PTPRD: variants seen among roughly 807,000 people sequenced by gnomAD.
PTPRD encodes the protein receptor-type tyrosine-protein phosphatase delta.
PTPRD carries 34 observed loss-of-function variants against 214.5 expected under a neutral mutation model. The ratio of observed to expected loss-of-function variants is 0.16; its 90% CI spans 0.12 to 0.21. The LOEUF (loss-of-function observed/expected upper bound fraction) is 0.21, where lower values mean the gene tolerates loss of function less well. PTPRD is among the 10% of genes least tolerant of loss of function. The pLI, the probability that PTPRD is intolerant of heterozygous loss-of-function variation, is 1.00. For missense variants in PTPRD, 2,545 were observed against 2,398.7 expected (o/e 1.06, Z -1.27); for synonymous variants, 1,128 against 845.7 (o/e 1.33, Z -5.79).
chr9:9,290,653 T>G (rs923184263), intron 9 of PTPRD, among the ~76,000 whole-genome samples: 11 of 151,548 alleles, frequency 7.3e-5, no homozygotes, highest in African/African-American at 2.7e-4. Flanking sequence ...CCAAACTCGG[T>G]TAATGACTCT....
intron 5 of PTPRD, among the ~76,000 whole-genome samples, chr9:9,929,820 C>T (rs1034015664): frequency 7.7e-6 from 1 of 130,478 alleles, no homozygotes; most frequent in Non-Finnish European, 1.6e-5. Flanking sequence ...ATGTGGTCTA[C>T]TTGTACTACA....
At chr9:8,751,037 T>C (rs1255707676) in intron 11 of PTPRD, among the ~76,000 whole-genome samples, 1 of 152,164 alleles carries the variant, frequency 6.6e-6, no homozygotes, top group Non-Finnish European at 1.5e-5. Flanking sequence ...TGACCCTTTA[T>C]AAAAGGCTCA....
intron 9 of PTPRD, among the ~76,000 whole-genome samples, chr9:9,385,986 A>T (rs2140559021): frequency 6.6e-6 from 1 of 152,208 alleles, no homozygotes; most frequent in Middle Eastern, 3.4e-3. Context: ...CTTCTGGAAT[A>T]GCTGTGTTGG....
At chr9:9,931,030 T>C (rs1482067311) in intron 5 of PTPRD, among the ~76,000 whole-genome samples, 1 of 152,178 alleles carries the variant, frequency 6.6e-6, no homozygotes, top group African/African-American at 2.4e-5. Flanking sequence ...TTCTGTATTA[T>C]AACTTGATTT....
At chr9:8,607,022 A>C (rs1048103002) in intron 14 of PTPRD, among the ~76,000 whole-genome samples, 3 of 152,188 alleles carry the variant, frequency 2.0e-5, no homozygotes, top group African/African-American at 7.2e-5. Flanking sequence ...AATGCTGACT[A>C]CCTGGGGCTG....
At chr9:8,504,858 G>C (rs544161595) in intron 22 of PTPRD, among the ~76,000 whole-genome samples, 2 of 152,234 alleles carry the variant, frequency 1.3e-5, no homozygotes, top group South Asian at 4.1e-4. Flanking sequence ...ATCTCAATTG[G>C]AGGCAAAGAA....
At chr9:9,362,353 C>T (rs926945351) in intron 9 of PTPRD, among the ~76,000 whole-genome samples, 9 of 150,864 alleles carry the variant, frequency 6.0e-5, no homozygotes, top group Non-Finnish European at 1.2e-4. Flanking sequence ...AGGAAACATA[C>T]GTAAGGTTTT....
At chr9:10,252,750 T>C (rs1265988268) in intron 3 of PTPRD, among the ~76,000 whole-genome samples, 1 of 152,140 alleles carries the variant, frequency 6.6e-6, no homozygotes, top group Non-Finnish European at 1.5e-5. Context: ...ATTAGTTTGA[T>C]TTACAAATAC....
At chr9:9,475,357 C>T (rs187590812) in intron 8 of PTPRD, among the ~76,000 whole-genome samples, 45 of 152,310 alleles carry the variant, frequency 3.0e-4, no homozygotes, top group African/African-American at 9.1e-4. Flanking sequence ...TATAGCCTCA[C>T]TCTTTTTACA....
chr9:9,997,299 T>TG (rs1433638587), intron 4 of PTPRD, among the ~76,000 whole-genome samples: 1 of 151,808 alleles, frequency 6.6e-6, no homozygotes, highest in Non-Finnish European at 1.5e-5. Flanking sequence ...TTTTTTTTTT[T>TG]TTTGAGACAG....
intron 14 of PTPRD, among the ~76,000 whole-genome samples, chr9:8,627,957 G>A (rs763141401): frequency 6.6e-6 from 1 of 152,008 alleles, no homozygotes; most frequent in East Asian, 1.9e-4. Flanking sequence ...TATCGTGTTG[G>A]TATCAATGTA....
At chr9:10,345,960 T>C (rs185146681) in intron 2 of PTPRD, among the ~76,000 whole-genome samples, 1 of 152,204 alleles carries the variant, frequency 6.6e-6, no homozygotes, top group Non-Finnish European at 1.5e-5. Flanking sequence ...CCATTCTAAC[T>C]GATGTGAGAT....
chr9:9,029,471 T>C (rs1296939436), intron 10 of PTPRD, among the ~76,000 whole-genome samples: 1 of 144,582 alleles, frequency 6.9e-6, no homozygotes, highest in Non-Finnish European at 1.5e-5. Flanking sequence ...CAGTGTACAC[T>C]TTTTTTTGTG....
At position 10,321,663 on chromosome 9, in the gene PTPRD, T is replaced by C. The variant is rs527599598; in HGVS notation, c.-545+19300A>G. 5.9e-5 allele frequency among the ~76,000 whole-genome samples: 9 copies of C among 152,162 alleles called. No homozygotes were observed. In the East Asian group the frequency reaches 1.8e-3, roughly 30 times the overall value. ...AGTATTAAAACAAAATCAACTCTTT[T>C]ATTTGTTTATTAAAAATTTAAAAGA... On this transcript the variant is annotated intron_variant, in intron 3 of 45. Transcript: ENST00000381196.
At chr9:9,400,754 G>A (rs2070052471) in intron 8 of PTPRD, among the ~76,000 whole-genome samples, 1 of 152,066 alleles carries the variant, frequency 6.6e-6, no homozygotes, top group Non-Finnish European at 1.5e-5. Context: ...TGGTAAGAGT[G>A]AGGAAATGGA....
intron 35 of PTPRD, among the ~76,000 whole-genome samples, chr9:8,411,803 GTGA>G (rs1462181578): frequency 6.6e-6 from 1 of 152,146 alleles, no homozygotes; most frequent in Non-Finnish European, 1.5e-5. Context: ...AGATTTATAG[GTGA>G]TGTTCTTTTT....
In PTPRD at chr9:8,531,746, G is replaced by A. The variant is rs75525046; in HGVS notation, c.353-2967C>T. 7.0e-3 allele frequency among the ~76,000 whole-genome samples: 1,069 copies of A among 152,090 alleles called. 7 individuals carry two copies. The highest frequency in any genetic ancestry group is 0.011 in the Non-Finnish European group (720 of 67,956). Reference sequence around the variant, plus strand: ...CTTTTCTTCTACAAGTTCATCTCTCGGAAGAACTGAGCCAATATTCAGTGC... The same window carrying A: ...CTTTTCTTCTACAAGTTCATCTCTCAGAAGAACTGAGCCAATATTCAGTGC... On this transcript the variant is annotated intron_variant, in intron 14 of 45. Transcript: ENST00000381196.
At chr9:8,446,851 G>C (rs1023480450) in intron 34 of PTPRD, among the ~76,000 whole-genome samples, 34 of 152,100 alleles carry the variant, frequency 2.2e-4, no homozygotes, top group African/African-American at 5.1e-4. Context: ...AAGAGGAGAA[G>C]AACAACCACA....
intron 2 of PTPRD, among the ~76,000 whole-genome samples, chr9:10,492,367 A>G (rs1003968602): frequency 6.6e-6 from 1 of 151,876 alleles, no homozygotes; most frequent in Non-Finnish European, 1.5e-5. Context: ...CATCCCCTCC[A>G]GCATCTGTTG....
Sources: allele counts gnomAD v4.1 joint callset (sites outside exome capture counted in the v4.1 genomes callset), GRCh38; gene constraint gnomAD v4.1.1; transcripts MANE v1.5; gene names NCBI Gene and HGNC (gene_info 2026-07-23, HGNC 2026-07-21).